The following VPS13D variants were observed in gnomAD, a reference collection of about 807,000 sequenced individuals.
VPS13D encodes intermembrane lipid transfer protein VPS13D.
Under a neutral mutation model 461.9 loss-of-function variants are expected in VPS13D, and 187 were observed. The observed-to-expected ratio is 0.40, with a 90% CI of 0.36 to 0.46. VPS13D has a LOEUF of 0.46. Ranked by LOEUF, VPS13D falls within the 20% of genes least tolerant of loss-of-function variation. VPS13D has a pLI of 0.60. For synonymous variants in VPS13D, 1,951 were observed against 1,986.3 expected (o/e 0.98, Z 0.47); for missense variants, 4,711 against 5,364.9 (o/e 0.88, Z 3.81).
At chr1:12,366,165 T>C (rs905070118) in intron 52 of VPS13D, among the ~76,000 whole-genome samples, 1 of 152,174 alleles carries the variant, frequency 6.6e-6, no homozygotes, top group Non-Finnish European at 1.5e-5. Flanking sequence ...TGCCCTGGCC[T>C]CCCAAAGTGC....
chr1:12,421,776 G>A (rs1162210552), intron 65 of VPS13D, among the ~76,000 whole-genome samples: 15 of 152,164 alleles, frequency 9.9e-5, no homozygotes, highest in Non-Finnish European at 1.5e-5. Context: ...AAGGAGAGAA[G>A]CACTTTCAGT....
intron 20 of VPS13D, among the ~76,000 whole-genome samples, chr1:12,281,860 C>T (rs924588542): frequency 4.6e-5 from 7 of 152,008 alleles, no homozygotes; most frequent in Non-Finnish European, 8.8e-5. Context: ...TAAAAATTGC[C>T]CTTCATTAAA....
Position 12,273,036 on chromosome 1 carries a change from A to G in VPS13D, c.2137A>G (p.Ile713Val), listed in dbSNP as rs1485767420. 4 of 1,614,064 alleles carry G rather than the reference A, an allele frequency of 2.5e-6. No individual in the cohort carries two copies. The highest frequency in any genetic ancestry group is 3.4e-6 in the Non-Finnish European group (4 of 1,179,992). Residue 713 changes from isoleucine to valine, a missense_variant, in exon 18 of 70, where the codon ATT (isoleucine) becomes GTT (valine). Physicochemically the swap from Ile to Val is conservative, Grantham distance 29 (BLOSUM62 3). Transcript: ENST00000620676. ...ESKRWTVRLD[I>V]SAPQVIFPDD... ...TAAACGATGGACCGTGCGGCTGGATATTTCTGCCCCTCAGGTGATATTTCC... is the reference window on the plus strand; with the variant it reads ...TAAACGATGGACCGTGCGGCTGGATGTTTCTGCCCCTCAGGTGATATTTCC...
At position 12,290,504 on chromosome 1, in the gene VPS13D, T is replaced by C. The variant is rs755131902; in HGVS notation, c.5726-494T>C. 6.6e-5 allele frequency among the ~76,000 whole-genome samples: 10 copies of C among 151,942 alleles called. No homozygotes were observed. In the East Asian group the frequency reaches 7.7e-4, roughly 12 times the overall value. Reference sequence around the variant, plus strand: ...TTGGGAGGCCAAGGCGGGCGGATCATGAGGTCAGGAGATCGAGACCATCCT... The same window carrying C: ...TTGGGAGGCCAAGGCGGGCGGATCACGAGGTCAGGAGATCGAGACCATCCT... On this transcript the variant is annotated intron_variant, in intron 22 of 69. Coordinates refer to ENST00000620676, the MANE Select transcript of VPS13D (RefSeq NM_015378.4).
At chr1:12,464,038 A>G (rs1001130816) in intron 67 of VPS13D, among the ~76,000 whole-genome samples, 1 of 152,222 alleles carries the variant, frequency 6.6e-6, no homozygotes, top group Non-Finnish European at 1.5e-5. Flanking sequence ...TTGCAGGTGG[A>G]GAAATGTTTC....
intron 23 of VPS13D, among the ~76,000 whole-genome samples, chr1:12,292,675 G>T (rs114237619): frequency 6.6e-6 from 1 of 152,164 alleles, no homozygotes; most frequent in East Asian, 1.9e-4. Context: ...CTGAACTCAG[G>T]CAGTCTACCG....
At chr1:12,351,489 C>G (rs1221058093) in intron 46 of VPS13D, among the ~76,000 whole-genome samples, 1 of 151,972 alleles carries the variant, frequency 6.6e-6, no homozygotes, top group African/African-American at 2.4e-5. Flanking sequence ...TGAGGTTTCA[C>G]CAGTTGGCCA....
intron 13 of VPS13D, among the ~76,000 whole-genome samples, chr1:12,264,043 T>C (rs999122799): frequency 2.0e-5 from 3 of 152,376 alleles, no homozygotes; most frequent in African/African-American, 7.2e-5. Flanking sequence ...TTCAAACTTT[T>C]CCATTATTAT....
At chr1:12,274,703 T>G (rs578170065) in intron 18 of VPS13D, among the ~76,000 whole-genome samples, 1 of 152,322 alleles carries the variant, frequency 6.6e-6, no homozygotes, top group East Asian at 1.9e-4. Flanking sequence ...AATTGCATAT[T>G]GATCAGTTAC....
chr1:12,507,477 C>G lies in VPS13D; in HGVS notation c.13035+384C>G. 2.1e-6 allele frequency: 1 copy of G among 474,414 alleles called. No homozygotes were observed. The highest frequency in any genetic ancestry group is 4.2e-6 in the Non-Finnish European group (1 of 239,302). 29.4% of individuals were successfully genotyped at this position (474,414 alleles called of 1,614,324 possible). A position where few individuals can be genotyped will look rare whatever the true frequency, so the allele number is the denominator to read the frequency against. ...ATCGAAGAAAGCACTGGAGCTCACG[C>G]TGGTTTCTCCATTGTTTCTCCTTAA... On this transcript the variant is annotated intron_variant, in intron 69 of 69. Transcript: ENST00000620676. This position sits in a 1 kb window ranked among gnomAD's most constrained non-coding sequence, Gnocchi z 5.3.
chr1:12,412,585 A>G (rs188501360), intron 63 of VPS13D, among the ~76,000 whole-genome samples: 4 of 152,344 alleles, frequency 2.6e-5, no homozygotes, highest in South Asian at 4.1e-4. Context: ...TACTTAGTTC[A>G]ATATTTATCA....
intron 18 of VPS13D, 86 bp downstream of exon 18, chr1:12,273,221 GT>G: frequency 1.4e-6 from 2 of 1,455,668 alleles, no homozygotes; most frequent in Non-Finnish European, 1.8e-6. Flanking sequence ...TTAATAAAAT[GT>G]TTATGTAACA....
At chr1:12,307,984 T>A (rs1412637829) in intron 26 of VPS13D, among the ~76,000 whole-genome samples, 6 of 152,140 alleles carry the variant, frequency 3.9e-5, no homozygotes, top group Admixed American at 1.3e-4. Context: ...GTGGTTTGGA[T>A]CTGGTCAGTG....
At chr1:12,292,237 G>T (rs1190362574) in intron 23 of VPS13D, among the ~76,000 whole-genome samples, 2 of 142,558 alleles carry the variant, frequency 1.4e-5, no homozygotes, top group Non-Finnish European at 3.0e-5. Context: ...ACTCCAGCCT[G>T]GGTGACAAGA....
Position 12,283,646 on chromosome 1 carries a change from T to G in VPS13D, c.5544T>G (p.Pro1848=). The part of the protein sequence containing the change: ...TADNHAMRLP[P]EGILHNVKLE... ...ACAACCACGCAATGAGGCTGCCTCC[T>G]GAGGGCATTCTGCACAACGTGAAGT... Residue 1848 remains proline, a synonymous_variant, in exon 21 of 70, where the codon CCT becomes CCG. Transcript: ENST00000620676. 6.2e-7 allele frequency: 1 copy of G among 1,614,216 alleles called. No individual in the cohort carries two copies. Among genetic ancestry groups the G allele is most frequent in the East Asian group, 2.2e-5 (1 of 44,880 alleles).
At position 12,275,577 on chromosome 1, in the gene VPS13D, G is replaced by A. The variant is rs557016087; in HGVS notation, c.2237-248G>A. Among the ~76,000 whole-genome samples, 89 of 152,276 alleles carry A rather than the reference G, an allele frequency of 5.8e-4. 1 individual carries two copies. In the South Asian group the frequency reaches 0.016, roughly 27 times the overall value. ...AGGCAGCATTGGGTCAGCAGGTGGCGCTCATGTCAGGGGGCCTCCAGCTTT... is the reference window on the plus strand; with the variant it reads ...AGGCAGCATTGGGTCAGCAGGTGGCACTCATGTCAGGGGGCCTCCAGCTTT... On this transcript the variant is annotated intron_variant, in intron 18 of 69. Coordinates refer to ENST00000620676, the MANE Select transcript of VPS13D (RefSeq NM_015378.4).
intron 67 of VPS13D, among the ~76,000 whole-genome samples, chr1:12,462,222 G>A (rs755336017): frequency 4.6e-5 from 7 of 152,228 alleles, no homozygotes; most frequent in Non-Finnish European, 5.9e-5. Context: ...AGAGGGTGCC[G>A]TGAGACTATG....
intron 21 of VPS13D, among the ~76,000 whole-genome samples, chr1:12,285,922 T>C (rs1641952368): frequency 6.6e-6 from 1 of 150,848 alleles, no homozygotes; most frequent in Admixed American, 6.6e-5. Context: ...GATGCATGAA[T>C]TTCTTTCTTC....
At chr1:12,332,929 C>T (rs1196476668) in intron 37 of VPS13D, among the ~76,000 whole-genome samples, 1 of 152,190 alleles carries the variant, frequency 6.6e-6, no homozygotes, top group Non-Finnish European at 1.5e-5. Flanking sequence ...TGTCTCAACA[C>T]ATCCCACCTG....
Sources: gnomAD v4.1 joint callset for allele counts (sites outside exome capture counted in the v4.1 genomes callset) on GRCh38, gnomAD v4.1.1 for gene constraint, Gnocchi (gnomAD v3.1) non-coding constraint, MANE v1.5 for transcripts, NCBI Gene and HGNC (gene_info 2026-07-23, HGNC 2026-07-21) for gene names.